The following LRRC3B variants were observed in gnomAD, a reference collection of about 807,000 sequenced individuals.
LRRC3B encodes the protein leucine-rich repeat-containing protein 3B.
Under a neutral mutation model 12.8 loss-of-function variants are expected in LRRC3B, and 2 were observed. The observed-to-expected ratio is 0.16, with a 90% CI of 0.06 to 0.49. The LOEUF (loss-of-function observed/expected upper bound fraction) is 0.49, where lower values mean the gene tolerates loss of function less well. Ranked by LOEUF, LRRC3B falls within the 20% of genes least tolerant of loss-of-function variation. The pLI is 0.96. For missense variants in LRRC3B, 189 were observed against 319.4 expected (o/e 0.59, Z 3.11); for synonymous variants, 132 against 122.0 (o/e 1.08, Z -0.54).
At chr3:26,664,783 T>C (rs966451434) in intron 1 of LRRC3B, among the ~76,000 whole-genome samples, 3 of 152,114 alleles carry the variant, frequency 2.0e-5, no homozygotes, top group South Asian at 2.1e-4. Context: ...CTCTCGCATC[T>C]ATCAGCATTG....
intron 1 of LRRC3B, among the ~76,000 whole-genome samples, chr3:26,672,516 G>T (rs549344585): frequency 1.7e-4 from 26 of 152,316 alleles, no homozygotes; most frequent in African/African-American, 5.0e-4. Flanking sequence ...GAAACAGAAG[G>T]TTAATTCTAT....
chr3:26,707,556 T>G (rs1700629972), intron 1 of LRRC3B, among the ~76,000 whole-genome samples: 2 of 152,180 alleles, frequency 1.3e-5, no homozygotes, highest in Non-Finnish European at 2.9e-5. Flanking sequence ...AAGAGAAATA[T>G]GAAGTGTCCT....
At chr3:26,685,852 G>A (rs1700077136) in intron 1 of LRRC3B, among the ~76,000 whole-genome samples, 1 of 151,902 alleles carries the variant, frequency 6.6e-6, no homozygotes, top group African/African-American at 2.4e-5. Flanking sequence ...GGGGGCACAT[G>A]CCCAGATATG....
At chr3:26,652,952 T>C (rs1699294973) in intron 1 of LRRC3B, among the ~76,000 whole-genome samples, 1 of 152,164 alleles carries the variant, frequency 6.6e-6, no homozygotes, top group African/African-American at 2.4e-5. Context: ...TCTTACATGC[T>C]GAAATCTATT....
chr3:26,693,186 G>C (rs1266859409), intron 1 of LRRC3B, among the ~76,000 whole-genome samples: 3 of 150,508 alleles, frequency 2.0e-5, no homozygotes, highest in Non-Finnish European at 2.9e-5. Context: ...AAAATTAGCC[G>C]GGCATGGTGG....
At chr3:26,640,598 C>T (rs1018162545) in intron 1 of LRRC3B, among the ~76,000 whole-genome samples, 3 of 152,192 alleles carry the variant, frequency 2.0e-5, no homozygotes, top group Non-Finnish European at 4.4e-5. Context: ...TGCCTCCCCT[C>T]TGTCAGGGTT....
In LRRC3B at chr3:26,671,400, A is replaced by AGAGAGAGAGAGAGAGG. The variant is rs1205520032; in HGVS notation, c.-160-38099_-160-38098insGGGAGAGAGAGAGAGA. ...GAGAGAGAGAGAGAGAGAGAGAGAG[A>AGAGAGAGAGAGAGAGG]GAGAGAGAGAGAGACGAAGTCTTGC... On this transcript the variant is annotated intron_variant, in intron 1 of 1. Coordinates refer to ENST00000396641, the Ensembl canonical transcript of LRRC3B. Among the ~76,000 whole-genome samples the AGAGAGAGAGAGAGAGG allele has an allele frequency of 1.0e-4, 13 of 126,970 alleles. 1 individual carries two copies. The highest frequency in any genetic ancestry group is 3.1e-4 in the African/African-American group (10 of 32,240). 83.3% of individuals were successfully genotyped at this position (126,970 alleles called of 152,430 possible).
At chr3:26,702,736 C>CA (rs1307409537) in intron 1 of LRRC3B, among the ~76,000 whole-genome samples, 43 of 152,100 alleles carry the variant, frequency 2.8e-4, no homozygotes, top group Admixed American at 2.5e-3. Flanking sequence ...ACCAACAATT[C>CA]AGGAAGGAGG....
At chr3:26,706,473 G>GAAAC (rs1272350721) in intron 1 of LRRC3B, among the ~76,000 whole-genome samples, 2 of 152,126 alleles carry the variant, frequency 1.3e-5, no homozygotes, top group Non-Finnish European at 2.9e-5. Flanking sequence ...AATAGAAAAT[G>GAAAC]AAACAGTTCA....
chr3:26,638,472 C>T (rs1480564040), intron 1 of LRRC3B, among the ~76,000 whole-genome samples: 2 of 152,166 alleles, frequency 1.3e-5, no homozygotes, highest in Non-Finnish European at 2.9e-5. Context: ...GCCATGGCCT[C>T]ATCATGGACC....
intron 1 of LRRC3B, chr3:26,624,781 T>C (rs1420996525): frequency 6.6e-6 from 1 of 152,336 alleles, no homozygotes; most frequent in African/African-American, 2.4e-5. Flanking sequence ...TAGATTCTTC[T>C]TGTGGCTCCA....
rs987259755 is a variant in LRRC3B, at chr3:26,637,386, C to T, written c.-161+14149C>T. On this transcript the variant is annotated intron_variant, in intron 1 of 1. Coordinates refer to ENST00000396641, the Ensembl canonical transcript of LRRC3B. Reference sequence around the variant, plus strand: ...TTCTCAACCTCCACCACCTCAAATTCACCGTCAACTTCTAGGGCTTTCTCA... The same window carrying T: ...TTCTCAACCTCCACCACCTCAAATTTACCGTCAACTTCTAGGGCTTTCTCA... 2.6e-5 allele frequency among the ~76,000 whole-genome samples: 4 copies of T among 152,262 alleles called. No individual in the cohort carries two copies. In the South Asian group the frequency reaches 6.2e-4, roughly 24 times the overall value.
intron 1 of LRRC3B, among the ~76,000 whole-genome samples, chr3:26,661,431 A>G (rs1042321841): frequency 2.6e-5 from 4 of 152,090 alleles, no homozygotes; most frequent in Middle Eastern, 3.2e-3. Flanking sequence ...AACCTTCTTA[A>G]TATTTTGGTG....
intron 1 of LRRC3B, among the ~76,000 whole-genome samples, chr3:26,626,056 A>G (rs1392583741): frequency 6.6e-6 from 1 of 152,066 alleles, no homozygotes; most frequent in Non-Finnish European, 1.5e-5. Flanking sequence ...GAGGCCCCTC[A>G]CCCTTTACTC....
intron 1 of LRRC3B, among the ~76,000 whole-genome samples, chr3:26,655,331 G>A (rs1248610329): frequency 1.3e-5 from 2 of 152,100 alleles, no homozygotes; most frequent in East Asian, 3.9e-4. Flanking sequence ...GAACTAAAAA[G>A]GAAATCTATT....
intron 1 of LRRC3B, among the ~76,000 whole-genome samples, chr3:26,686,744 T>G (rs1199402180): frequency 1.3e-5 from 2 of 152,174 alleles, no homozygotes; most frequent in African/African-American, 4.8e-5. Context: ...AGGAGTACCC[T>G]TGGGATCAAC....
At chr3:26,703,781 A>G (rs1700515740) in intron 1 of LRRC3B, among the ~76,000 whole-genome samples, 1 of 151,696 alleles carries the variant, frequency 6.6e-6, no homozygotes, top group Non-Finnish European at 1.5e-5. Flanking sequence ...TCAGTCTCTC[A>G]TCATGAAACA....
At chr3:26,695,522 A>G (rs569874472) in intron 1 of LRRC3B, among the ~76,000 whole-genome samples, 6 of 126,182 alleles carry the variant, frequency 4.8e-5, no homozygotes, top group African/African-American at 2.3e-4. Context: ...GCCAGACAAC[A>G]TCTCAAACAA....
exon 2 of LRRC3B, chr3:26,709,546 A>T (rs1240238530): frequency 1.2e-6 from 1 of 866,138 alleles, no homozygotes; most frequent in Non-Finnish European, 1.8e-6. Context: ...ATGAAGAGAC[A>T]CATGTGTTAG....
Sources: allele counts gnomAD v4.1 joint callset (sites outside exome capture counted in the v4.1 genomes callset), GRCh38; gene constraint gnomAD v4.1.1; transcripts MANE v1.5; gene names NCBI Gene and HGNC (gene_info 2026-07-23, HGNC 2026-07-21).